ZNF853: variants seen among roughly 807,000 people sequenced by gnomAD.
The protein encoded by ZNF853 is zinc finger protein 853.
Under a neutral mutation model 94.7 loss-of-function variants are expected in ZNF853, and 57 were observed. The ratio of observed to expected loss-of-function variants is 0.60; its 90% CI spans 0.49 to 0.75. The LOEUF (loss-of-function observed/expected upper bound fraction) is 0.75, where lower values mean the gene tolerates loss of function less well. Ranked by LOEUF, ZNF853 falls within the 30% of genes least tolerant of loss-of-function variation. The pLI is 0.00. For synonymous variants in ZNF853, 448 were observed against 406.3 expected (o/e 1.10, Z -1.23); for missense variants, 785 against 868.9 (o/e 0.90, Z 1.21).
intron 2 of ZNF853, among the ~76,000 whole-genome samples, chr7:6,618,224 G>A: frequency 6.6e-6 from 1 of 152,122 alleles, no homozygotes; most frequent in African/African-American, 2.4e-5. Context: ...TTGAACCCAG[G>A]AGGCAGAGGT....
chr7:6,617,116 T>TG, intron 1 of ZNF853, 74 bp from the exon 2 acceptor site: 19 of 1,225,610 alleles, frequency 1.6e-5, no homozygotes, highest in Admixed American at 2.3e-5. Flanking sequence ...GGAGGGCCTT[T>TG]GGGGGCCTGT....
Position 6,616,237 on chromosome 7 carries a change from A to G in ZNF853, c.12+51A>G. On this transcript the variant is annotated intron_variant, in intron 1 of 2. Coordinates refer to ENST00000457543, the MANE Select transcript of ZNF853 (RefSeq NM_017560.3). ...TGGGCAACCGGGGACGCGTCCCTTGAGAGAGTTTGGACTGGATGGCACGAG... is the reference window on the plus strand; with the variant it reads ...TGGGCAACCGGGGACGCGTCCCTTGGGAGAGTTTGGACTGGATGGCACGAG... 42 of 1,538,084 alleles carry G rather than the reference A, an allele frequency of 2.7e-5. No homozygotes were observed. In the East Asian group the frequency reaches 3.9e-4, roughly 14 times the overall value.
In ZNF853 at chr7:6,621,375, AC is replaced by A; in HGVS notation, c.385del (p.Gln129SerfsTer18). The part of the protein sequence containing the change: ...QQQPQQDGQQ[Q>X]LSQLQQEKHQ... The stretch of plus-strand genomic sequence containing the variant: ...AGCAGCCGCAGCAAGATGGGCAACA[AC>A]AGCTATCTCAACTACAACAGGAAAA... On this transcript the variant is annotated frameshift_variant, in exon 3 of 3. Coordinates refer to ENST00000457543, the MANE Select transcript of ZNF853 (RefSeq NM_017560.3). LOFTEE classifies it high-confidence loss of function. 2 of 1,551,772 alleles carry A rather than the reference AC, an allele frequency of 1.3e-6. No individual in the cohort carries two copies. Among genetic ancestry groups the A allele is most frequent in the Non-Finnish European group, 1.7e-6 (2 of 1,147,004 alleles).
chr7:6,620,025 T>G, intron 2 of ZNF853, among the ~76,000 whole-genome samples: 16 of 152,200 alleles, frequency 1.1e-4, no homozygotes, highest in African/African-American at 3.6e-4. Flanking sequence ...GAGGGAATTT[T>G]CAAGCACCTA....
In ZNF853 at chr7:6,622,425, G is replaced by A. The variant is rs1349381019; in HGVS notation, c.1434G>A (p.Arg478=). Reference sequence around the variant, plus strand: ...CCCCTGCACGGCAGCGGCGGCGGCGGCGCGCTCGGGACCGGCCGACCATCT... The same window carrying A: ...CCCCTGCACGGCAGCGGCGGCGGCGACGCGCTCGGGACCGGCCGACCATCT... The part of the protein sequence containing the change: ...ALTPARQRRR[R]RARDRPTICG... Residue 478 remains arginine, a synonymous_variant, in exon 3 of 3, where the codon CGG becomes CGA. Transcript: ENST00000457543. The A allele has an allele frequency of 9.1e-6, 13 of 1,426,030 alleles. No individual in the cohort carries two copies. Among genetic ancestry groups the A allele is most frequent in the Non-Finnish European group, 1.1e-5 (12 of 1,099,782 alleles). 88.3% of individuals were successfully genotyped at this position (1,426,030 alleles called of 1,614,324 possible).
At chr7:6,619,624 CT>C in intron 2 of ZNF853, among the ~76,000 whole-genome samples, 1 of 152,122 alleles carries the variant, frequency 6.6e-6, no homozygotes, top group South Asian at 2.1e-4. Context: ...AGAAAGCAAA[CT>C]TTTATAAATC....
intron 2 of ZNF853, among the ~76,000 whole-genome samples, 190 bp from the exon 3 acceptor site, chr7:6,620,932 G>A: frequency 1.3e-5 from 2 of 152,326 alleles, no homozygotes; most frequent in Admixed American, 6.5e-5. Context: ...ACATTTCCAA[G>A]CCACCCCTGC....
chr7:6,616,096 C>A lies in ZNF853; in HGVS notation c.-79C>A. The A allele has an allele frequency of 1.4e-6, 2 of 1,442,500 alleles. No individual in the cohort carries two copies. The highest frequency in any genetic ancestry group is 1.2e-5 in the South Asian group (1 of 80,340). 89.4% of individuals were successfully genotyped at this position (1,442,500 alleles called of 1,614,324 possible). ...GGATGGAGGCGCCTCCGGAAGGAGC[C>A]GGCTGCACGCCGTGGCCTTCACCTC... On this transcript the variant is annotated 5_prime_UTR_variant, in exon 1 of 3. Transcript: ENST00000457543.
At position 6,620,894 on chromosome 7, in the gene ZNF853, G is replaced by A; in HGVS notation, c.131-228G>A. Reference sequence around the variant, plus strand: ...CTCTCAAAGTGCTGGGATTACAGGCGTGAGCCACTGTGCCCGGCCACCTGG... The same window carrying A: ...CTCTCAAAGTGCTGGGATTACAGGCATGAGCCACTGTGCCCGGCCACCTGG... On this transcript the variant is annotated intron_variant, in intron 2 of 2. Coordinates refer to ENST00000457543, the MANE Select transcript of ZNF853 (RefSeq NM_017560.3). Among the ~76,000 whole-genome samples the A allele has an allele frequency of 4.1e-3, 627 of 152,344 alleles. 5 individuals carry two copies. Among genetic ancestry groups the A allele is most frequent in the Middle Eastern group, 0.014 (4 of 294 alleles).
rs10254971 is a variant in ZNF853, at chr7:6,623,588, T to G, written c.*617T>G. On this transcript the variant is annotated 3_prime_UTR_variant, in exon 3 of 3. Coordinates refer to ENST00000457543, the MANE Select transcript of ZNF853 (RefSeq NM_017560.3). ...ACACAGGGTCAGAGCGCTCACCGGGTCGATGTGCAAATCCAAGCCAGGAAG... is the reference window on the plus strand; with the variant it reads ...ACACAGGGTCAGAGCGCTCACCGGGGCGATGTGCAAATCCAAGCCAGGAAG... The G allele has an allele frequency of 4.4e-3, 1,593 of 364,400 alleles. 20 individuals carry two copies. The highest frequency in any genetic ancestry group is 0.028 in the African/African-American group (1,345 of 47,920). The allele number at this position is 364,400 out of a possible 1,614,324, so 22.6% of individuals were successfully genotyped here. A position where few individuals can be genotyped will look rare whatever the true frequency, so the allele number is the denominator to read the frequency against.
At position 6,616,186 on chromosome 7, in the gene ZNF853, G is replaced by A; in HGVS notation, c.12G>A (p.Gln4=). The part of the protein sequence containing the change: MLH[Q]PTPGNRGLTA... ...CCCGGGAGCAGGAAATGCTCCACCA[G>A]GTGAGGCCCAGGGGGTCGTTGGCGC... Residue 4 remains glutamine (Q), a splice_region_variant and synonymous_variant, in exon 1 of 3, where the codon CAG becomes CAA. Transcript: ENST00000457543. The A allele has an allele frequency of 1.9e-6, 3 of 1,548,196 alleles. No individual in the cohort carries two copies. The highest frequency in any genetic ancestry group is 2.6e-6 in the Non-Finnish European group (3 of 1,145,046).
chr7:6,616,465 C>T, intron 1 of ZNF853, among the ~76,000 whole-genome samples: 2 of 152,184 alleles, frequency 1.3e-5, no homozygotes, highest in South Asian at 4.1e-4. Context: ...GGGCGCCAGG[C>T]GCAGTGGCTC....
chr7:6,622,282 G>A lies in ZNF853; in HGVS notation c.1291G>A (p.Ala431Thr), dbSNP rs1782640113. 2 of 1,503,266 alleles carry A rather than the reference G, an allele frequency of 1.3e-6. No homozygotes were observed. The highest frequency in any genetic ancestry group is 1.8e-6 in the Non-Finnish European group (2 of 1,132,602). The allele number at this position is 1,503,266 out of a possible 1,614,324, so 93.1% of individuals were successfully genotyped here. Residue 431 changes from alanine to threonine, a missense_variant, in exon 3 of 3, where the codon GCC becomes ACC. Transcript: ENST00000457543. ...CGGAGCGGCGGTCCCGGGGGCTCCG[G>A]CCGCGGTCGTGGTGGCTCCCCCGGG... ...GGGAAVPGAP[A>T]AVVVAPPGYV... is the part of the protein sequence containing the mutation.
In ZNF853 at chr7:6,615,900, G is replaced by T; in HGVS notation, c.-275G>T. 2.9e-6 allele frequency: 1 copy of T among 340,532 alleles called. No individual in the cohort carries two copies. Among genetic ancestry groups the T allele is most frequent in the African/African-American group, 2.1e-5 (1 of 46,528 alleles). The allele number at this position is 340,532 out of a possible 1,614,324, so 21.1% of individuals were successfully genotyped here. A position where few individuals can be genotyped will look rare whatever the true frequency, so the allele number is the denominator to read the frequency against. ...GCCCTGAGCCCCGCGCGGGATTCGG[G>T]GCCCTGCCTCCCGCCCCAGCCCCCG... is the stretch of plus-strand genomic sequence containing the variant. On this transcript the variant is annotated 5_prime_UTR_variant, in exon 1 of 3. Coordinates refer to ENST00000457543, the MANE Select transcript of ZNF853 (RefSeq NM_017560.3). This position sits in a 1 kb window ranked among gnomAD's most constrained non-coding sequence, Gnocchi z 8.5.
At chr7:6,617,021 C>T in intron 1 of ZNF853, among the ~76,000 whole-genome samples, 169 bp from the exon 2 acceptor site, 1 of 152,202 alleles carries the variant, frequency 6.6e-6, no homozygotes, top group Non-Finnish European at 1.5e-5. Flanking sequence ...AGGCCGCCGG[C>T]ACTCCCCGTT....
intron 2 of ZNF853, among the ~76,000 whole-genome samples, chr7:6,619,757 T>G: frequency 2.0e-4 from 31 of 152,156 alleles, no homozygotes; most frequent in Non-Finnish European, 1.5e-4. Flanking sequence ...AGGATTGGGA[T>G]TTTCCAGTAG....
rs570654324 is a variant in ZNF853 at position 6,616,086 on chromosome 7, C to T, written c.-89C>T. ...GGCTCTTTCTGGATGGAGGCGCCTC[C>T]GGAAGGAGCCGGCTGCACGCCGTGG... On this transcript the variant is annotated 5_prime_UTR_variant, in exon 1 of 3. Coordinates refer to ENST00000457543, the MANE Select transcript of ZNF853 (RefSeq NM_017560.3). 62 of 1,390,866 alleles carry T rather than the reference C, an allele frequency of 4.5e-5. 1 individual carries two copies. The South Asian group carries it at 6.8e-4, about 15-fold the overall frequency. The allele number at this position is 1,390,866 out of a possible 1,614,324, so 86.2% of individuals were successfully genotyped here.
In ZNF853 at chr7:6,623,156, A is replaced by C. The variant is rs1782675667; in HGVS notation, c.*185A>C. 1.6e-5 allele frequency: 9 copies of C among 545,526 alleles called. No homozygotes were observed. The highest frequency in any genetic ancestry group is 5.5e-6 in the Non-Finnish European group (2 of 360,542). 33.8% of individuals were successfully genotyped at this position (545,526 alleles called of 1,614,324 possible). A position where few individuals can be genotyped will look rare whatever the true frequency, so the allele number is the denominator to read the frequency against. The stretch of plus-strand genomic sequence containing the variant: ...AGAAAATACCAGGTTCACAGATTTC[A>C]CCGCCAGAAAAATCCATCCGCCAAA... On this transcript the variant is annotated 3_prime_UTR_variant, in exon 3 of 3. Coordinates refer to ENST00000457543, the MANE Select transcript of ZNF853 (RefSeq NM_017560.3).
intron 2 of ZNF853, among the ~76,000 whole-genome samples, chr7:6,619,868 T>C: frequency 6.6e-6 from 1 of 152,154 alleles, no homozygotes; most frequent in African/African-American, 2.4e-5. Flanking sequence ...CTCCCAGGTT[T>C]ATGCCTCCCA....
Sources: allele counts gnomAD v4.1 joint callset (sites outside exome capture counted in the v4.1 genomes callset), GRCh38; gene constraint gnomAD v4.1.1; non-coding constraint Gnocchi (gnomAD v3.1); transcripts MANE v1.5; gene names NCBI Gene and HGNC (gene_info 2026-07-23, HGNC 2026-07-21).